Variants in DPYSL3 observed in about 807,000 individuals in gnomAD.
The protein encoded by DPYSL3 is dihydropyrimidinase like 3.
DPYSL3 carries 16 observed loss-of-function variants against 66.1 expected under a neutral mutation model. That is an observed-to-expected ratio of 0.24 (90% CI 0.16 to 0.37). The LOEUF (loss-of-function observed/expected upper bound fraction) is 0.37, where lower values mean the gene tolerates loss of function less well. Ranked by LOEUF, DPYSL3 falls within the 10% of genes least tolerant of loss-of-function variation. DPYSL3 has a pLI of 1.00. For missense variants in DPYSL3, 738 were observed against 916.2 expected (o/e 0.81, Z 2.51); for synonymous variants, 338 against 345.1 (o/e 0.98, Z 0.23).
chr5:147,510,029 G>A lies in DPYSL3; in HGVS notation c.-171C>T, dbSNP rs1753737781. 1 of 1,140,268 alleles carries A rather than the reference G, an allele frequency of 8.8e-7. No homozygotes were observed. The highest frequency in any genetic ancestry group is 1.7e-5 in the South Asian group (1 of 58,412). 70.6% of individuals were successfully genotyped at this position (1,140,268 alleles called of 1,614,324 possible). On this transcript the variant is annotated 5_prime_UTR_variant, in exon 1 of 14. Transcript: ENST00000343218. ...CTGCTTGTCCCTAGCGAGCCAGCGA[G>A]CCACACAGCCAGCTAGCGCGCGGAG...
intron 1 of DPYSL3, among the ~76,000 whole-genome samples, chr5:147,492,522 G>C (rs990204777): frequency 1.3e-4 from 20 of 152,180 alleles, no homozygotes; most frequent in Non-Finnish European, 2.1e-4. Flanking sequence ...GATGATACAA[G>C]AGATAGGAGA....
chr5:147,487,536 A>G (rs1753352420), intron 1 of DPYSL3, among the ~76,000 whole-genome samples: 1 of 152,176 alleles, frequency 6.6e-6, no homozygotes, highest in East Asian at 1.9e-4. Flanking sequence ...CAAGACCAGG[A>G]GTTGGCAAAC....
intron 13 of DPYSL3, among the ~76,000 whole-genome samples, chr5:147,394,474 T>C (rs1197484174): frequency 6.6e-6 from 1 of 152,108 alleles, no homozygotes; most frequent in East Asian, 1.9e-4. Context: ...CCACCATGGT[T>C]TGAGAGAGGT....
intron 1 of DPYSL3, among the ~76,000 whole-genome samples, chr5:147,508,313 G>A (rs776626360): frequency 6.6e-6 from 1 of 152,178 alleles, no homozygotes; most frequent in African/African-American, 2.4e-5. Context: ...CAGAGATGCT[G>A]TTCTTTCACT....
At chr5:147,467,824 G>A (rs2126419384) in intron 1 of DPYSL3, among the ~76,000 whole-genome samples, 1 of 152,278 alleles carries the variant, frequency 6.6e-6, no homozygotes, top group East Asian at 1.9e-4. Flanking sequence ...TCACAGTTCT[G>A]GAGGCTGAAA....
intron 1 of DPYSL3, among the ~76,000 whole-genome samples, chr5:147,426,480 A>T (rs1752200821): frequency 1.3e-5 from 2 of 151,910 alleles, no homozygotes; most frequent in Non-Finnish European, 2.9e-5. Flanking sequence ...AGGGGTGAAG[A>T]CCTGTGTTGA....
Position 147,509,783 on chromosome 5 carries a change from T to C in DPYSL3, c.76A>G (p.Thr26Ala). The change falls in exon 1 of 14, where the codon ACG becomes GCG. Residue 26 changes from threonine to alanine, a missense_variant. Physicochemically the swap from Thr to Ala is moderately conservative, Grantham distance 58 (BLOSUM62 0). Transcript: ENST00000343218. This position sits in a 1 kb window ranked among gnomAD's most constrained non-coding sequence, Gnocchi z 5.3. Reference protein sequence around the residue: ...LPVYLARPGTTDQVPRQKYGG... With the variant: ...LPVYLARPGTADQVPRQKYGG... ...TATTTCTGCCGCGGGACCTGGTCCG[T>C]GGTGCCCGGCCTGGCCAGGTACACG... is the stretch of plus-strand genomic sequence containing the variant. 2 of 1,535,960 alleles carry C rather than the reference T, an allele frequency of 1.3e-6. No homozygotes were observed. Among genetic ancestry groups the C allele is most frequent in the Non-Finnish European group, 1.7e-6 (2 of 1,146,790 alleles).
In DPYSL3 at chr5:147,509,977, C is replaced by T. The variant is rs1035514704; in HGVS notation, c.-119G>A. The T allele has an allele frequency of 7.1e-6, 10 of 1,404,268 alleles. No homozygotes were observed. The highest frequency in any genetic ancestry group is 9.3e-6 in the Non-Finnish European group (10 of 1,072,700). 87.0% of individuals were successfully genotyped at this position (1,404,268 alleles called of 1,614,324 possible). ...GGGAGGAGGCGCCTGAGCCTTCGCG[C>T]CAGAGGCGGCAGTGCTGCTCCGATT... On this transcript the variant is annotated 5_prime_UTR_variant, in exon 1 of 14. Transcript: ENST00000343218. This position sits in a 1 kb window ranked among gnomAD's most constrained non-coding sequence, Gnocchi z 5.3.
intron 1 of DPYSL3, among the ~76,000 whole-genome samples, chr5:147,427,549 A>G (rs923652938): frequency 2.0e-5 from 3 of 152,188 alleles, no homozygotes; most frequent in Admixed American, 2.0e-4. Flanking sequence ...AGTACTGCAA[A>G]ATTATATGAG....
At chr5:147,475,645 T>C (rs1055345285) in intron 1 of DPYSL3, among the ~76,000 whole-genome samples, 4 of 152,068 alleles carry the variant, frequency 2.6e-5, no homozygotes, top group African/African-American at 9.7e-5. Context: ...AAAGTTAACG[T>C]ATAAATAGAA....
chr5:147,402,864 T>C (rs995090099), intron 8 of DPYSL3, among the ~76,000 whole-genome samples: 4 of 152,290 alleles, frequency 2.6e-5, no homozygotes, highest in Non-Finnish European at 5.9e-5. Flanking sequence ...AATAGTGATA[T>C]AGAAAGCAAA....
intron 12 of DPYSL3, among the ~76,000 whole-genome samples, chr5:147,396,963 T>TG (rs1491408171): frequency 6.7e-6 from 1 of 148,206 alleles, no homozygotes; most frequent in Admixed American, 6.8e-5. Flanking sequence ...CGCATTTTTG[T>TG]TTTTAATTAT....
chr5:147,447,206 CT>C (rs997208535), intron 1 of DPYSL3, among the ~76,000 whole-genome samples: 1 of 152,208 alleles, frequency 6.6e-6, no homozygotes, highest in African/African-American at 2.4e-5. Flanking sequence ...TTTCTTACCA[CT>C]GTGTTCCCTA....
intron 1 of DPYSL3, among the ~76,000 whole-genome samples, chr5:147,448,639 G>A (rs1391581500): frequency 6.6e-6 from 1 of 152,164 alleles, no homozygotes; most frequent in East Asian, 1.9e-4. Flanking sequence ...CCTCTTAGTA[G>A]CTCAGTGCAA....
chr5:147,417,584 T>C (rs1159604009), intron 3 of DPYSL3, among the ~76,000 whole-genome samples: 1 of 152,120 alleles, frequency 6.6e-6, no homozygotes, highest in Non-Finnish European at 1.5e-5. Flanking sequence ...GGTGTTAAAA[T>C]AAACAGTGCT....
At chr5:147,396,849 A>G (rs1296778949) in intron 12 of DPYSL3, among the ~76,000 whole-genome samples, 4 of 135,398 alleles carry the variant, frequency 3.0e-5, no homozygotes, top group Admixed American at 7.8e-5. Context: ...ATATATACGT[A>G]TATCTGTATA....
chr5:147,494,895 T>C (rs1753476830), intron 1 of DPYSL3, among the ~76,000 whole-genome samples: 1 of 148,592 alleles, frequency 6.7e-6, no homozygotes. Context: ...ATAATAATAA[T>C]AATAATAATA....
At chr5:147,427,185 C>T (rs76674566) in intron 1 of DPYSL3, among the ~76,000 whole-genome samples, 3,725 of 152,274 alleles carry the variant, frequency 0.024, 168 homozygotes, top group African/African-American at 0.085. Context: ...TTTTCCTCCA[C>T]GATGTGTGAC....
chr5:147,505,424 G>C (rs187654871), intron 1 of DPYSL3, among the ~76,000 whole-genome samples: 2 of 151,954 alleles, frequency 1.3e-5, no homozygotes, highest in Non-Finnish European at 2.9e-5. Context: ...TAGTAGAGAC[G>C]GGGGTTTCAC....
Sources: gnomAD v4.1 joint callset for allele counts (sites outside exome capture counted in the v4.1 genomes callset) on GRCh38, gnomAD v4.1.1 for gene constraint, Gnocchi (gnomAD v3.1) non-coding constraint, MANE v1.5 for transcripts, NCBI Gene and HGNC (gene_info 2026-07-23, HGNC 2026-07-21) for gene names.